Variants in RNF150 observed in about 807,000 individuals in gnomAD.
RNF150 encodes the protein ring finger protein 150.
RNF150 carries 24 observed loss-of-function variants against 39.3 expected under a neutral mutation model. That is an observed-to-expected ratio of 0.61 (90% CI 0.44 to 0.86). The LOEUF (loss-of-function observed/expected upper bound fraction) is 0.86, where lower values mean the gene tolerates loss of function less well. Ranked by LOEUF, RNF150 falls within the 40% of genes least tolerant of loss-of-function variation. The pLI, the probability that RNF150 is intolerant of heterozygous loss-of-function variation, is 0.00. For missense variants in RNF150, 502 were observed against 587.8 expected (o/e 0.85, Z 1.51); for synonymous variants, 255 against 227.3 (o/e 1.12, Z -1.10).
At chr4:140,891,633 T>A (rs1729757134) in intron 6 of RNF150, among the ~76,000 whole-genome samples, 4 of 152,166 alleles carry the variant, frequency 2.6e-5, no homozygotes, top group Admixed American at 2.6e-4. Flanking sequence ...CTGCCCCCTA[T>A]CAAAATCTGA....
chr4:140,941,789 G>A (rs1455450673), intron 4 of RNF150, among the ~76,000 whole-genome samples: 1 of 152,084 alleles, frequency 6.6e-6, no homozygotes, highest in Non-Finnish European at 1.5e-5. Flanking sequence ...TATCATCTGA[G>A]TATTATAACA....
At chr4:141,211,017 G>C (rs1022182640) in intron 1 of RNF150, among the ~76,000 whole-genome samples, 2 of 152,178 alleles carry the variant, frequency 1.3e-5, no homozygotes, top group African/African-American at 4.8e-5. Context: ...ATGATTGAGA[G>C]CATGGTAAAA....
chr4:141,040,060 A>T (rs1000739830), intron 1 of RNF150, among the ~76,000 whole-genome samples: 3 of 152,044 alleles, frequency 2.0e-5, no homozygotes, highest in African/African-American at 7.2e-5. Flanking sequence ...TATCTTCCTT[A>T]TGCACAAGCT....
At chr4:141,030,111 G>A (rs1229675263) in intron 1 of RNF150, among the ~76,000 whole-genome samples, 1 of 151,824 alleles carries the variant, frequency 6.6e-6, no homozygotes, top group African/African-American at 2.4e-5. Flanking sequence ...GGAGAATGGT[G>A]GGAACCCAGG....
chr4:140,899,266 TGTG>T (rs1169260701), intron 6 of RNF150, among the ~76,000 whole-genome samples: 3 of 152,148 alleles, frequency 2.0e-5, no homozygotes, highest in Non-Finnish European at 4.4e-5. Context: ...CATAAGGAAA[TGTG>T]GCCCAGGATT....
At position 141,132,852 on chromosome 4, in the gene RNF150, C is replaced by T. The variant is rs1391269483; in HGVS notation, c.-44G>A. 1.3e-6 allele frequency: 2 copies of T among 1,521,172 alleles called. No individual in the cohort carries two copies. Among genetic ancestry groups the T allele is most frequent in the South Asian group, 1.2e-5 (1 of 86,856 alleles). 94.2% of individuals were successfully genotyped at this position (1,521,172 alleles called of 1,614,324 possible). ...CCTCCCCGCCCCCGCGCCCTCCCTC[C>T]GTCCCGTCCCTCCTCCCCAGCCCCG... is the stretch of plus-strand genomic sequence containing the variant. On this transcript the variant is annotated 5_prime_UTR_variant, in exon 1 of 7. Coordinates refer to ENST00000515673, the MANE Select transcript of RNF150 (RefSeq NM_020724.2). This position sits in a 1 kb window ranked among gnomAD's most constrained non-coding sequence, Gnocchi z 4.9.
At chr4:140,939,240 T>C (rs1731983817) in intron 4 of RNF150, among the ~76,000 whole-genome samples, 1 of 152,216 alleles carries the variant, frequency 6.6e-6, no homozygotes, top group Admixed American at 6.5e-5. Flanking sequence ...TTTTTTATTT[T>C]TGGTCTCATA....
intron 5 of RNF150, 62 bp downstream of exon 5, chr4:140,925,915 C>T: frequency 1.7e-6 from 2 of 1,171,556 alleles, no homozygotes; most frequent in Non-Finnish European, 2.6e-6. Flanking sequence ...ATGTTTTCTC[C>T]CTGCTTTGAG....
At chr4:141,039,501 G>C (rs1354026591) in intron 1 of RNF150, among the ~76,000 whole-genome samples, 2 of 152,054 alleles carry the variant, frequency 1.3e-5, no homozygotes, top group Non-Finnish European at 2.9e-5. Flanking sequence ...TTAAAGAAAG[G>C]CCATACATTT....
chr4:141,011,306 T>C (rs1029043559), intron 1 of RNF150, among the ~76,000 whole-genome samples: 1 of 152,138 alleles, frequency 6.6e-6, no homozygotes, highest in Non-Finnish European at 1.5e-5. Context: ...TGAGCCACTA[T>C]GGTCAACTGG....
chr4:140,903,347 G>A (rs1445096704), intron 6 of RNF150, among the ~76,000 whole-genome samples: 1 of 152,126 alleles, frequency 6.6e-6, no homozygotes, highest in African/African-American at 2.4e-5. Context: ...CTCAGACTCT[G>A]AATTTCCAAA....
At chr4:141,001,497 C>A (rs1168316236) in intron 1 of RNF150, among the ~76,000 whole-genome samples, 1 of 151,884 alleles carries the variant, frequency 6.6e-6, no homozygotes, top group Non-Finnish European at 1.5e-5. Flanking sequence ...AAAATAAAAC[C>A]AAATTGAATG....
chr4:141,107,272 G>A (rs1739242687), intron 1 of RNF150, among the ~76,000 whole-genome samples: 1 of 152,150 alleles, frequency 6.6e-6, no homozygotes, highest in Admixed American at 6.5e-5. Flanking sequence ...ATTAGCAAAT[G>A]CTTTTATAGC....
intron 5 of RNF150, among the ~76,000 whole-genome samples, chr4:140,917,476 A>C (rs957181200): frequency 3.0e-4 from 45 of 152,350 alleles, no homozygotes; most frequent in African/African-American, 1.0e-3. Flanking sequence ...GATCAATTCA[A>C]CAAGAAGAAC....
chr4:141,109,064 T>C (rs1430427276), intron 1 of RNF150, among the ~76,000 whole-genome samples: 1 of 152,172 alleles, frequency 6.6e-6, no homozygotes, highest in East Asian at 1.9e-4. Flanking sequence ...ATGTTAACGC[T>C]CAGAACACAA....
chr4:141,064,723 C>A (rs1737385427), intron 1 of RNF150, among the ~76,000 whole-genome samples: 1 of 152,010 alleles, frequency 6.6e-6, no homozygotes, highest in Non-Finnish European at 1.5e-5. Flanking sequence ...TGGTGATGGG[C>A]AGAAAAGGGA....
At chr4:141,042,599 G>C (rs1736413093) in intron 1 of RNF150, among the ~76,000 whole-genome samples, 1 of 151,902 alleles carries the variant, frequency 6.6e-6, no homozygotes, top group Non-Finnish European at 1.5e-5. Context: ...AAAATTGCTA[G>C]GAAAACAAAA....
rs1300813399 is a variant in RNF150, at chr4:140,863,476, A to G, written c.*4785T>C. 1.3e-5 allele frequency: 2 copies of G among 152,192 alleles called. No homozygotes were observed. The highest frequency in any genetic ancestry group is 4.8e-5 in the African/African-American group (2 of 41,430). 9.4% of individuals were successfully genotyped at this position (152,192 alleles called of 1,614,324 possible). A position where few individuals can be genotyped will look rare whatever the true frequency, so the allele number is the denominator to read the frequency against. ...GATATTGCTACACAATAAAAAGAGG[A>G]AAAACACCAACAACAGTAACAATGG... On this transcript the variant is annotated 3_prime_UTR_variant, in exon 7 of 7. Transcript: ENST00000515673.
intron 1 of RNF150, among the ~76,000 whole-genome samples, chr4:141,008,018 C>T (rs896409559): frequency 5.9e-5 from 9 of 152,158 alleles, no homozygotes; most frequent in Admixed American, 5.2e-4. Flanking sequence ...TCTAGTCCTC[C>T]ATACAAAATC....
Sources: gnomAD v4.1 joint callset for allele counts (sites outside exome capture counted in the v4.1 genomes callset) on GRCh38, gnomAD v4.1.1 for gene constraint, Gnocchi (gnomAD v3.1) non-coding constraint, MANE v1.5 for transcripts, NCBI Gene and HGNC (gene_info 2026-07-23, HGNC 2026-07-21) for gene names.